The following PTN variants were observed in gnomAD, a reference collection of about 807,000 sequenced individuals.
PTN encodes the protein heparin affin regulatory protein.
Under a neutral mutation model 24.1 loss-of-function variants are expected in PTN, and 18 were observed. The observed-to-expected ratio is 0.75, with a 90% CI of 0.52 to 1.11. The LOEUF is 1.11. Ranked by LOEUF, PTN falls within the 50% of genes least tolerant of loss-of-function variation. PTN has a pLI of 0.00. For missense variants in PTN, 163 were observed against 198.8 expected (o/e 0.82, Z 1.08); for synonymous variants, 78 against 68.6 (o/e 1.14, Z -0.67).
chr7:137,338,176 A>T (rs1810479073), intron 1 of PTN, among the ~76,000 whole-genome samples: 1 of 152,150 alleles, frequency 6.6e-6, no homozygotes, highest in Non-Finnish European at 1.5e-5. Flanking sequence ...ATTTCACCCA[A>T]ATTCCACAGC....
Position 137,251,240 on chromosome 7 carries a change from G to C in PTN, c.441C>G (p.Pro147=). ...ATGGCAAGGACTTACCTTGAGGTTTGGGCTTGGTCAGTTTGCCACAGGGCT... is the reference window on the plus strand; with the variant it reads ...ATGGCAAGGACTTACCTTGAGGTTTCGGCTTGGTCAGTTTGCCACAGGGCT... ...ISKPCGKLTK[P]KPQAESKKKK... The change falls in exon 4 of 5, where the codon CCC becomes CCG. Residue 147 remains proline (P), a synonymous_variant. Transcript: ENST00000348225. 1 of 1,614,056 alleles carries C rather than the reference G, an allele frequency of 6.2e-7. No individual in the cohort carries two copies. The highest frequency in any genetic ancestry group is 1.1e-5 in the South Asian group (1 of 91,076).
rs538527637 is a variant in PTN, at chr7:137,317,054, T to G, written c.-2+26385A>C. ...CTCTTTCTCTCCCCTACTCTCTCAT[T>G]TCCACAAATGCATGCAATCTTAATC... On this transcript the variant is annotated intron_variant, in intron 1 of 4. Transcript: ENST00000348225. 3.3e-5 allele frequency among the ~76,000 whole-genome samples: 5 copies of G among 152,310 alleles called. No individual in the cohort carries two copies. The East Asian group carries it at 9.7e-4, about 29-fold the overall frequency.
chr7:137,277,913 A>T (rs1445024773), intron 1 of PTN, among the ~76,000 whole-genome samples: 10 of 29,448 alleles, frequency 3.4e-4, no homozygotes, highest in South Asian at 3.2e-3. Context: ...GATGATAGAT[A>T]GATAGATAGA....
intron 1 of PTN, among the ~76,000 whole-genome samples, chr7:137,301,573 G>GGA (rs1169568499): frequency 2.7e-5 from 2 of 73,022 alleles, no homozygotes; most frequent in Non-Finnish European, 6.1e-5. Flanking sequence ...TGTATATTAA[G>GGA]TAAAAAAAAA....
chr7:137,271,333 T>A (rs929904674), intron 1 of PTN, among the ~76,000 whole-genome samples: 2 of 152,190 alleles, frequency 1.3e-5, no homozygotes, highest in African/African-American at 4.8e-5. Flanking sequence ...TCTGACTTGG[T>A]AATATAGTAG....
intron 4 of PTN, chr7:137,236,379 G>T: frequency 3.1e-6 from 2 of 647,536 alleles, no homozygotes; most frequent in South Asian, 1.7e-5. Flanking sequence ...TCCCTGATCT[G>T]ACCCATACAT....
At chr7:137,242,211 A>T in intron 4 of PTN, among the ~76,000 whole-genome samples, 1 of 152,194 alleles carries the variant, frequency 6.6e-6, no homozygotes, top group Non-Finnish European at 1.5e-5. Flanking sequence ...TGAGTCTTGC[A>T]CTTAAACAGT....
At chr7:137,339,759 C>T (rs1440165518) in intron 1 of PTN, among the ~76,000 whole-genome samples, 1 of 151,848 alleles carries the variant, frequency 6.6e-6, no homozygotes, top group African/African-American at 2.4e-5. Flanking sequence ...GTTCTGGGAC[C>T]TGTTGGGTGG....
At chr7:137,234,205 C>T (rs1808480606) in intron 4 of PTN, among the ~76,000 whole-genome samples, 1 of 151,834 alleles carries the variant, frequency 6.6e-6, no homozygotes, top group Admixed American at 6.6e-5. Flanking sequence ...TATTATCCTA[C>T]TCCATATATT....
At chr7:137,251,104 G>A (rs1808818201) in intron 4 of PTN, 126 bp downstream of exon 4, 3 of 1,113,686 alleles carry the variant, frequency 2.7e-6, no homozygotes, top group African/African-American at 1.6e-5. Flanking sequence ...TCTCAGTGTA[G>A]GGGAGTTTTT....
Position 137,251,372 on chromosome 7 carries a change from G to A in PTN, c.309C>T (p.Phe103=). The A allele has an allele frequency of 6.2e-7, 1 of 1,614,080 alleles. No homozygotes were observed. The highest frequency in any genetic ancestry group is 8.5e-7 in the Non-Finnish European group (1 of 1,179,998). ...TCAGGTCACATTCTCCCCAGGCCTG[G>A]AACTGGTATTTGCACTCCGCTAAAG... is the stretch of plus-strand genomic sequence containing the variant. ...KQFGAECKYQ[F]QAWGECDLNT... is the part of the protein sequence containing the mutation. Residue 103 remains phenylalanine (F), a synonymous_variant, in exon 4 of 5, where the codon TTC becomes TTT. Transcript: ENST00000348225.
intron 1 of PTN, among the ~76,000 whole-genome samples, chr7:137,311,192 A>G (rs931435215): frequency 6.7e-6 from 1 of 148,342 alleles, no homozygotes; most frequent in Non-Finnish European, 1.5e-5. Flanking sequence ...AGATCATGCC[A>G]CCGCACACCA....
chr7:137,227,924 A>G lies in PTN; in HGVS notation c.*96T>C, dbSNP rs770156853. ...TTGCTTATTGTGTACTTAGCTATAG[A>G]TAATTTTTGAATACAAAGCCTACGG... On this transcript the variant is annotated 3_prime_UTR_variant, in exon 5 of 5. Transcript: ENST00000348225. 2.1e-5 allele frequency: 32 copies of G among 1,496,716 alleles called. No individual in the cohort carries two copies. The highest frequency in any genetic ancestry group is 2.7e-5 in the Non-Finnish European group (30 of 1,122,682). The allele number at this position is 1,496,716 out of a possible 1,614,324, so 92.7% of individuals were successfully genotyped here.
chr7:137,315,477 C>A (rs1562920740), intron 1 of PTN, among the ~76,000 whole-genome samples: 1 of 152,178 alleles, frequency 6.6e-6, no homozygotes, highest in Non-Finnish European at 1.5e-5. Context: ...GAACAGCAAG[C>A]ACAGCTCTTA....
intron 1 of PTN, among the ~76,000 whole-genome samples, chr7:137,298,944 G>A (rs930950922): frequency 4.6e-5 from 7 of 151,908 alleles, no homozygotes; most frequent in African/African-American, 1.7e-4. Flanking sequence ...GGTAAGACTT[G>A]GTGAGCTTTG....
At chr7:137,335,911 T>C (rs915949583) in intron 1 of PTN, among the ~76,000 whole-genome samples, 1 of 150,822 alleles carries the variant, frequency 6.6e-6, no homozygotes, top group African/African-American at 2.4e-5. Context: ...TTCAGCCTCA[T>C]TTAAGATGTC....
chr7:137,297,264 G>A (rs746191965), intron 1 of PTN, among the ~76,000 whole-genome samples: 1 of 152,108 alleles, frequency 6.6e-6, no homozygotes, highest in Non-Finnish European at 1.5e-5. Flanking sequence ...TAGTCTGTGG[G>A]ATAAAGGGGC....
intron 1 of PTN, among the ~76,000 whole-genome samples, chr7:137,307,787 C>A (rs1809913397): frequency 6.6e-6 from 1 of 152,120 alleles, no homozygotes; most frequent in African/African-American, 2.4e-5. Flanking sequence ...AATAGAAAGG[C>A]AGACGAAGTA....
At chr7:137,274,947 C>T (rs1340454650) in intron 1 of PTN, among the ~76,000 whole-genome samples, 2 of 152,098 alleles carry the variant, frequency 1.3e-5, no homozygotes, top group African/African-American at 4.8e-5. Context: ...GCAAAGTAGT[C>T]GATTTCTTTT....
Sources: allele counts gnomAD v4.1 joint callset (sites outside exome capture counted in the v4.1 genomes callset), GRCh38; gene constraint gnomAD v4.1.1; transcripts MANE v1.5; gene names NCBI Gene and HGNC (gene_info 2026-07-23, HGNC 2026-07-21).